The following PPARGC1A variants were observed in gnomAD, a reference collection of about 807,000 sequenced individuals.
PPARGC1A encodes PPARG coactivator 1 alpha, also known as peroxisome proliferator-activated receptor gamma coactivator 1-alpha.
Under a neutral mutation model 88.7 loss-of-function variants are expected in PPARGC1A, and 25 were observed. That is an observed-to-expected ratio of 0.28 (90% confidence interval 0.21 to 0.39). The LOEUF is 0.39. PPARGC1A is among the 10% of genes least tolerant of loss of function. The probability of loss-of-function intolerance (pLI) is 1.00; values close to 1 mark genes in which losing one functional copy is unlikely to be tolerated. For synonymous variants in PPARGC1A, 363 were observed against 355.6 expected (o/e 1.02, Z -0.24); for missense variants, 880 against 968.7 (o/e 0.91, Z 1.22).
At chr4:24,217,092 T>C in the PPARGC1A span, among the ~76,000 whole-genome samples, 64 of 152,214 alleles carry the variant, frequency 4.2e-4, no homozygotes, top group Non-Finnish European at 6.9e-4. Flanking sequence ...ATGTGTTGAG[T>C]TGAGGCAAGG....
the PPARGC1A span, among the ~76,000 whole-genome samples, chr4:24,304,395 G>A: frequency 9.2e-5 from 14 of 152,242 alleles, no homozygotes; most frequent in Middle Eastern, 3.4e-3. Context: ...CAATGACCCC[G>A]GAATTTTTGT....
the PPARGC1A span, among the ~76,000 whole-genome samples, chr4:24,130,790 C>A: frequency 6.6e-6 from 1 of 152,086 alleles, no homozygotes. Context: ...CTGCTGAAGA[C>A]CCGTCAGCAG....
At chr4:23,946,653 A>G in the PPARGC1A span, among the ~76,000 whole-genome samples, 2 of 152,168 alleles carry the variant, frequency 1.3e-5, no homozygotes, top group Non-Finnish European at 2.9e-5. Context: ...GAGGACAGGA[A>G]TAAATCCTGC....
the PPARGC1A span, among the ~76,000 whole-genome samples, chr4:24,306,206 T>C: frequency 1.3e-5 from 2 of 152,010 alleles, no homozygotes; most frequent in Non-Finnish European, 2.9e-5. Flanking sequence ...AAAAATGGGA[T>C]GGGGGTAAAA....
the PPARGC1A span, among the ~76,000 whole-genome samples, chr4:24,467,124 GAGGA>G: frequency 1.3e-5 from 2 of 151,078 alleles, no homozygotes; most frequent in Non-Finnish European, 3.0e-5. Context: ...GGGAGGGATG[GAGGA>G]AGGAAGGAAG....
chr4:24,232,390 T>C, the PPARGC1A span, among the ~76,000 whole-genome samples: 3 of 152,206 alleles, frequency 2.0e-5, no homozygotes, highest in South Asian at 6.2e-4. Flanking sequence ...AGCCTCCAAT[T>C]TGTGACTCTA....
the PPARGC1A span, among the ~76,000 whole-genome samples, chr4:23,947,275 G>A: frequency 2.0e-5 from 3 of 149,348 alleles, no homozygotes; most frequent in East Asian, 2.0e-4. Flanking sequence ...TATAGTAAGT[G>A]CTTTACATAG....
chr4:24,147,847 G>A, the PPARGC1A span, among the ~76,000 whole-genome samples: 1 of 152,162 alleles, frequency 6.6e-6, no homozygotes, highest in Non-Finnish European at 1.5e-5. Flanking sequence ...GGGAGGCTGA[G>A]GCACAAGAAT....
At chr4:23,804,052 G>A (rs2109362510) in intron 10 of PPARGC1A, among the ~76,000 whole-genome samples, 1 of 152,208 alleles carries the variant, frequency 6.6e-6, no homozygotes, top group South Asian at 2.1e-4. Context: ...TCTACCACAT[G>A]TAACATGCTC....
chr4:24,453,391 G>C, the PPARGC1A span, among the ~76,000 whole-genome samples: 48 of 152,348 alleles, frequency 3.2e-4, no homozygotes, highest in African/African-American at 9.4e-4. Flanking sequence ...TCTCATAAAG[G>C]CTTCATCAAC....
chr4:24,166,230 G>C, the PPARGC1A span, among the ~76,000 whole-genome samples: 1 of 152,222 alleles, frequency 6.6e-6, no homozygotes, highest in African/African-American at 2.4e-5. Context: ...GGCTGAGAAA[G>C]GAGAGGACGC....
chr4:23,814,671 T>C (rs1205258966), intron 7 of PPARGC1A, 66 bp from the exon 8 acceptor site: 3 of 1,348,028 alleles, frequency 2.2e-6, no homozygotes, highest in Admixed American at 5.3e-5. Context: ...ATAATGTTCT[T>C]AAATGCGAAG....
chr4:23,965,502 C>T, the PPARGC1A span, among the ~76,000 whole-genome samples: 1 of 152,186 alleles, frequency 6.6e-6, no homozygotes, highest in African/African-American at 2.4e-5. Flanking sequence ...CATTGTGCCT[C>T]TCCGTACAGA....
chr4:23,801,924 T>C, intron 11 of PPARGC1A, 43 bp from the exon 12 acceptor site: 1 of 1,608,712 alleles, frequency 6.2e-7, no homozygotes, highest in Non-Finnish European at 8.5e-7. Flanking sequence ...TAAGAAGTAT[T>C]AGTATATGGG....
the PPARGC1A span, among the ~76,000 whole-genome samples, chr4:23,949,488 A>G: frequency 3.3e-5 from 5 of 152,182 alleles, no homozygotes; most frequent in Admixed American, 1.3e-4. Flanking sequence ...ACTGGCATTA[A>G]TCGAGAGAAG....
At chr4:24,434,675 C>T in the PPARGC1A span, among the ~76,000 whole-genome samples, 1 of 152,224 alleles carries the variant, frequency 6.6e-6, no homozygotes, top group African/African-American at 2.4e-5. Context: ...CTGTGATCTC[C>T]ATGGGGAATG....
At chr4:24,038,205 C>T in the PPARGC1A span, among the ~76,000 whole-genome samples, 2 of 152,162 alleles carry the variant, frequency 1.3e-5, no homozygotes, top group Non-Finnish European at 2.9e-5. Flanking sequence ...CATAAAGTGC[C>T]TAGGGCTTTG....
chr4:23,984,958 G>C, the PPARGC1A span, among the ~76,000 whole-genome samples: 2 of 152,068 alleles, frequency 1.3e-5, no homozygotes, highest in African/African-American at 4.8e-5. Flanking sequence ...AGAGTTGTCG[G>C]ACGAACCCAC....
the PPARGC1A span, among the ~76,000 whole-genome samples, chr4:24,415,907 C>T: frequency 6.6e-6 from 1 of 152,234 alleles, no homozygotes; most frequent in Non-Finnish European, 1.5e-5. Flanking sequence ...GAGAAAGATA[C>T]AAGCTCCTAC....
Sources: allele counts gnomAD v4.1 joint callset (sites outside exome capture counted in the v4.1 genomes callset), GRCh38; gene constraint gnomAD v4.1.1; transcripts MANE v1.5; gene names NCBI Gene and HGNC (gene_info 2026-07-23, HGNC 2026-07-21).